IQANK1: variants seen among roughly 807,000 people sequenced by gnomAD.
The protein encoded by IQANK1 is IQ motif and ankyrin repeat domain-containing protein 1.
IQANK1 carries 30 observed loss-of-function variants against 22.6 expected under a neutral mutation model. The observed-to-expected ratio is 1.33, with a 90% CI of 0.99 to 1.80. The LOEUF is 1.80. Ranked by LOEUF, IQANK1 falls within the 40% of genes most tolerant of loss-of-function variation. The pLI, the probability that IQANK1 is intolerant of heterozygous loss-of-function variation, is 0.00. For synonymous variants in IQANK1, 122 were observed against 99.6 expected, an observed-to-expected ratio of 1.23 and a Z score of -1.34; for missense variants, 275 against 235.2, an observed-to-expected ratio of 1.17 and a Z score of -1.11.
At chr8:143,750,231 C>T (rs1211230479) in intron 3 of IQANK1, among the ~76,000 whole-genome samples, 2 of 152,084 alleles carry the variant, frequency 1.3e-5, no homozygotes, top group Non-Finnish European at 2.9e-5. Flanking sequence ...CCCCCGACCT[C>T]AGGTGATCCG....
At chr8:143,772,521 C>T in intron 7 of IQANK1, 39 bp downstream of exon 7, 1 of 398,248 alleles carries the variant, frequency 2.5e-6, no homozygotes, top group Non-Finnish European at 4.4e-6. Flanking sequence ...GAGGTGTGAG[C>T]CCCGGGAGGT....
At chr8:143,753,008 T>TG (rs1174048441) in intron 3 of IQANK1, among the ~76,000 whole-genome samples, 11 of 138,366 alleles carry the variant, frequency 7.9e-5, no homozygotes, top group African/African-American at 2.7e-4. Flanking sequence ...TTTTTTTTTT[T>TG]TTTTTTTTTT....
intron 2 of IQANK1, among the ~76,000 whole-genome samples, chr8:143,736,172 G>T (rs1222327845): frequency 6.9e-6 from 1 of 145,764 alleles, no homozygotes; most frequent in African/African-American, 2.5e-5. Flanking sequence ...ACGGAGTCTC[G>T]CTCTTGTCAC....
chr8:143,751,851 T>C (rs1819199999), intron 3 of IQANK1, among the ~76,000 whole-genome samples: 1 of 151,316 alleles, frequency 6.6e-6, no homozygotes, highest in Non-Finnish European at 1.5e-5. Context: ...TCCTTCAGCT[T>C]TTGTTTATCT....
rs199763934 is a variant in IQANK1 at position 143,773,327 on chromosome 8, AC to A, written c.789+846del. Among the ~76,000 whole-genome samples, 14 of 105,144 alleles carry A rather than the reference AC, an allele frequency of 1.3e-4. No homozygotes were observed. The African/African-American group carries it at 1.5e-3, about 12-fold the overall frequency. The allele number at this position is 105,144 out of a possible 152,430, so 69.0% of individuals were successfully genotyped here. A position where few individuals can be genotyped will look rare whatever the true frequency, so the allele number is the denominator to read the frequency against. On this transcript the variant is annotated intron_variant, in intron 7 of 13. Transcript: ENST00000527139. ...AAAAAAAAAAAAAAACAAAAAAAACACAAAAAAAACAGAGTCTGCCCTGGGC... is the reference window on the plus strand; with the variant it reads ...AAAAAAAAAAAAAAACAAAAAAAACAAAAAAAAACAGAGTCTGCCCTGGGC...
Position 143,789,205 on chromosome 8 carries a change from C to G in IQANK1, c.955C>G (p.Gln319Glu), listed in dbSNP as rs922405889. The G allele has an allele frequency of 7.5e-6, 3 of 399,270 alleles. No homozygotes were observed. Among genetic ancestry groups the G allele is most frequent in the Admixed American group, 8.8e-5 (2 of 22,712 alleles). 24.7% of individuals were successfully genotyped at this position (399,270 alleles called of 1,614,324 possible). Reference protein sequence around the residue: ...ERCGSMTLKVQQLTREQQQCH... With the variant: ...ERCGSMTLKVEQLTREQQQCH... ...GCTCCTTAGTATGACCCTCAAGGTC[C>G]AACAGCTGACCAGGGAGCAGCAGCA... Residue 319 changes from glutamine (Q) to glutamate (E), a missense_variant, in exon 9 of 14, where the codon CAA becomes GAA. Gln to Glu is a conservative substitution (Grantham distance 29). Coordinates refer to ENST00000527139, the MANE Select transcript of IQANK1 (RefSeq NM_001381874.1).
intron 3 of IQANK1, among the ~76,000 whole-genome samples, chr8:143,768,507 G>A (rs1382285850): frequency 6.6e-5 from 10 of 152,222 alleles, no homozygotes; most frequent in South Asian, 2.1e-4. Context: ...AACGTGCGCC[G>A]GCGGACATAC....
chr8:143,752,598 A>G (rs1554628160), intron 3 of IQANK1, among the ~76,000 whole-genome samples: 2 of 152,224 alleles, frequency 1.3e-5, no homozygotes, highest in Non-Finnish European at 2.9e-5. Context: ...AACTGCATAT[A>G]TGATGGTGGT....
chr8:143,756,390 G>A (rs548509121), intron 3 of IQANK1, among the ~76,000 whole-genome samples: 1 of 152,150 alleles, frequency 6.6e-6, no homozygotes, highest in African/African-American at 2.4e-5. Flanking sequence ...ACCATGAGGA[G>A]CTTCCCAGGA....
At chr8:143,742,582 G>C (rs532082823) in intron 3 of IQANK1, 1 of 456,088 alleles carries the variant, frequency 2.2e-6, no homozygotes, top group African/African-American at 2.0e-5. Context: ...GTGTGATGTG[G>C]AGCTGGGAAA....
intron 7 of IQANK1, among the ~76,000 whole-genome samples, chr8:143,775,666 AGAG>A (rs781958784): frequency 8.2e-4 from 124 of 152,004 alleles, no homozygotes; most frequent in Non-Finnish European, 1.5e-3. Context: ...GGAGGCTGAG[AGAG>A]GAGAAGTGCT....
intron 7 of IQANK1, among the ~76,000 whole-genome samples, chr8:143,788,260 T>G (rs1554631668): frequency 6.6e-6 from 1 of 152,248 alleles, no homozygotes. Flanking sequence ...CATGTGGACC[T>G]GCTCTGAGCT....
In IQANK1 at chr8:143,739,940, C is replaced by A. The variant is rs114487880; in HGVS notation, c.167C>A (p.Ala56Asp). The change falls in exon 3 of 14, where the codon GCC becomes GAC. Residue 56 changes from alanine to aspartate, a missense_variant. Transcript: ENST00000527139. ...CCCGCGTCGGCTGAGAGCCCACAGG[C>A]CCCCACAGGTGAGAGCCCGCACGTC... ...REPASAESPQ[A>D]PTGPAEDRAA... 2.2e-3 allele frequency: 1,559 copies of A among 698,098 alleles called. 14 individuals carry two copies. Among genetic ancestry groups the A allele is most frequent in the African/African-American group, 0.021 (1,179 of 57,240 alleles). 43.2% of individuals were successfully genotyped at this position (698,098 alleles called of 1,614,324 possible).
At chr8:143,781,296 CTTTT>C (rs1459716549) in intron 7 of IQANK1, among the ~76,000 whole-genome samples, 3 of 152,166 alleles carry the variant, frequency 2.0e-5, no homozygotes, top group South Asian at 4.1e-4. Flanking sequence ...CTGATAGTTT[CTTTT>C]GCTATGCAGA....
intron 7 of IQANK1, among the ~76,000 whole-genome samples, chr8:143,787,126 T>C (rs1385015356): frequency 6.6e-6 from 1 of 152,198 alleles, no homozygotes; most frequent in Non-Finnish European, 1.5e-5. Flanking sequence ...GTTTGTCTCA[T>C]CCACCACTGG....
At chr8:143,775,767 C>CA (rs1216031148) in intron 7 of IQANK1, among the ~76,000 whole-genome samples, 5 of 129,242 alleles carry the variant, frequency 3.9e-5, no homozygotes, top group East Asian at 5.7e-4. Context: ...GCCTCAAAAA[C>CA]AAAAAAACTA....
At chr8:143,785,722 G>C (rs962359991) in intron 7 of IQANK1, among the ~76,000 whole-genome samples, 7 of 103,186 alleles carry the variant, frequency 6.8e-5, no homozygotes, top group Non-Finnish European at 1.3e-4. Flanking sequence ...ACCATGCCCA[G>C]CTATTTTTTT....
At chr8:143,751,040 T>A (rs1819178301) in intron 3 of IQANK1, among the ~76,000 whole-genome samples, 1 of 152,030 alleles carries the variant, frequency 6.6e-6, no homozygotes, top group Non-Finnish European at 1.5e-5. Flanking sequence ...TCTTTGTGGT[T>A]ACTATGGGGT....
chr8:143,778,935 C>CTTTTGTATGTTAAGTATG (rs1262713876), intron 7 of IQANK1, among the ~76,000 whole-genome samples: 1 of 152,046 alleles, frequency 6.6e-6, no homozygotes, highest in Non-Finnish European at 1.5e-5. Context: ...CTAATTTGTT[C>CTTTTGTATGTTAAGTATG]TTTTGTATGT....
Sources: allele counts gnomAD v4.1 joint callset (sites outside exome capture counted in the v4.1 genomes callset), GRCh38; gene constraint gnomAD v4.1.1; transcripts MANE v1.5; gene names NCBI Gene and HGNC (gene_info 2026-07-23, HGNC 2026-07-21).